The following SESTD1 variants were observed in gnomAD, a reference collection of about 807,000 sequenced individuals.
SESTD1 encodes SEC14 and spectrin domain containing 1.
SESTD1 carries 43 observed loss-of-function variants against 101.7 expected under a neutral mutation model. That is an observed-to-expected ratio of 0.42 (90% CI 0.33 to 0.55). The LOEUF (loss-of-function observed/expected upper bound fraction) is 0.55. SESTD1 is among the 20% of genes least tolerant of loss of function. The pLI, the probability that SESTD1 is intolerant of heterozygous loss-of-function variation, is 0.07. For synonymous variants in SESTD1, 283 were observed against 286.8 expected, an observed-to-expected ratio of 0.99 and a Z score of 0.13; for missense variants, 647 against 815.1, an observed-to-expected ratio of 0.79 and a Z score of 2.51.
At chr2:179,228,439 T>C (rs112122021) in intron 1 of SESTD1, among the ~76,000 whole-genome samples, 2 of 152,292 alleles carry the variant, frequency 1.3e-5, no homozygotes, top group African/African-American at 4.8e-5. Flanking sequence ...GCAGAAAAGA[T>C]GTTGCAATGA....
chr2:179,205,579 T>C (rs908196668), intron 1 of SESTD1, among the ~76,000 whole-genome samples: 1 of 135,386 alleles, frequency 7.4e-6, no homozygotes, highest in East Asian at 2.0e-4. Context: ...TCCTGAGAGA[T>C]GGGTGCTTTA....
chr2:179,137,986 T>C (rs760314089), intron 9 of SESTD1, among the ~76,000 whole-genome samples: 6 of 152,210 alleles, frequency 3.9e-5, no homozygotes, highest in Non-Finnish European at 8.8e-5. Flanking sequence ...TATTATCATA[T>C]AGTAATCATT....
chr2:179,141,558 A>G (rs1356723324), intron 9 of SESTD1, among the ~76,000 whole-genome samples: 1 of 151,882 alleles, frequency 6.6e-6, no homozygotes, highest in African/African-American at 2.4e-5. Flanking sequence ...TAGAAGACTC[A>G]TTATGTGCCA....
At chr2:179,198,673 A>G (rs1386040338) in intron 1 of SESTD1, among the ~76,000 whole-genome samples, 1 of 151,896 alleles carries the variant, frequency 6.6e-6, no homozygotes, top group Non-Finnish European at 1.5e-5. Flanking sequence ...GCTCAACTAC[A>G]TGGAAACTGA....
chr2:179,131,338 A>G (rs1050072943), intron 10 of SESTD1, among the ~76,000 whole-genome samples: 3 of 152,186 alleles, frequency 2.0e-5, no homozygotes, highest in Non-Finnish European at 1.5e-5. Flanking sequence ...CAAGCAAACC[A>G]TATTACTTAT....
rs146292122 is a variant in SESTD1 at position 179,227,840 on chromosome 2, C to G, written c.-25-35974G>C. Among the ~76,000 whole-genome samples, 661 of 152,220 alleles carry G rather than the reference C, an allele frequency of 4.3e-3. 4 individuals carry two copies. Among genetic ancestry groups the G allele is most frequent in the African/African-American group, 0.015 (614 of 41,534 alleles). On this transcript the variant is annotated intron_variant, in intron 1 of 17. Coordinates refer to ENST00000428443, the MANE Select transcript of SESTD1 (RefSeq NM_178123.5). ...GGCTAGCACCAGGCTGAACTGGGATCAAATGTGAACTCTGCCGCTTATTAG... is the reference window on the plus strand; with the variant it reads ...GGCTAGCACCAGGCTGAACTGGGATGAAATGTGAACTCTGCCGCTTATTAG...
intron 1 of SESTD1, among the ~76,000 whole-genome samples, chr2:179,200,876 T>A (rs372154935): frequency 7.5e-6 from 1 of 133,672 alleles, no homozygotes; most frequent in Non-Finnish European, 1.6e-5. Flanking sequence ...GGACTTCATG[T>A]CTAAAACACC....
chr2:179,113,865 CAAAA>C (rs778424702), intron 16 of SESTD1, among the ~76,000 whole-genome samples: 2 of 90,458 alleles, frequency 2.2e-5, no homozygotes, highest in African/African-American at 3.4e-5. Flanking sequence ...GACTCTGTCT[CAAAA>C]AAAAAAAAAA....
chr2:179,223,079 C>T (rs905374180), intron 1 of SESTD1, among the ~76,000 whole-genome samples: 1 of 152,068 alleles, frequency 6.6e-6, no homozygotes, highest in Non-Finnish European at 1.5e-5. Context: ...AAACATGACA[C>T]ATCCATATAA....
chr2:179,174,517 T>C (rs1459139384), intron 4 of SESTD1: 4 of 442,452 alleles, frequency 9.0e-6, no homozygotes, highest in South Asian at 5.1e-5. Context: ...AATTAATGGA[T>C]TTCTTACCTA....
chr2:179,211,895 A>C (rs1445787165), intron 1 of SESTD1, among the ~76,000 whole-genome samples: 2 of 133,768 alleles, frequency 1.5e-5, no homozygotes, highest in African/African-American at 3.0e-5. Context: ...AAGACTACAC[A>C]CTGGGTTGAG....
intron 1 of SESTD1, among the ~76,000 whole-genome samples, chr2:179,236,458 C>A (rs1009048899): frequency 1.3e-5 from 2 of 151,782 alleles, no homozygotes; most frequent in African/African-American, 2.4e-5. Context: ...AATCGTGCCA[C>A]TGCACTCTAA....
intron 1 of SESTD1, among the ~76,000 whole-genome samples, chr2:179,241,404 C>G (rs531736745): frequency 0.014 from 2,121 of 152,102 alleles, 47 homozygotes; most frequent in African/African-American, 0.048. Flanking sequence ...AAAATCTGTG[C>G]CAAGTTACAC....
chr2:179,255,692 A>G (rs1183591985), intron 1 of SESTD1, among the ~76,000 whole-genome samples: 1 of 152,262 alleles, frequency 6.6e-6, no homozygotes, highest in Non-Finnish European at 1.5e-5. Context: ...TCTAGCTAAG[A>G]TAATTGATGA....
At chr2:179,182,519 G>T (rs533851716) in intron 3 of SESTD1, among the ~76,000 whole-genome samples, 2 of 152,222 alleles carry the variant, frequency 1.3e-5, no homozygotes, top group East Asian at 1.9e-4. Flanking sequence ...AGCAGATGGG[G>T]AGGAAGCTTT....
At position 179,183,162 on chromosome 2, in the gene SESTD1, T is replaced by C. The variant is rs2046147642; in HGVS notation, c.82A>G (p.Ile28Val). 2 of 1,611,730 alleles carry C rather than the reference T, an allele frequency of 1.2e-6. No homozygotes were observed. The highest frequency in any genetic ancestry group is 1.7e-5 in the Admixed American group (1 of 59,666). The stretch of plus-strand genomic sequence containing the variant: ...TCGAGGCATAATGGAATTGTCAAAA[T>C]GAGGCCACTCCGTCTGTCTTTTCCT... ...SGGKDRRSGL[I>V]LTIPLCLEQT... The change falls in exon 3 of 18, where the codon ATT becomes GTT. Residue 28 changes from isoleucine (I) to valine (V), a missense_variant. Around this residue, in one of 3 missense-constraint regions of SESTD1, gnomAD observed 168 missense variants for 235.1 expected, o/e 0.71. Coordinates refer to ENST00000428443, the MANE Select transcript of SESTD1 (RefSeq NM_178123.5).
At chr2:179,112,688 C>A (rs775866841) in intron 17 of SESTD1, 36 bp downstream of exon 17, 1 of 1,556,664 alleles carries the variant, frequency 6.4e-7, no homozygotes, top group South Asian at 1.2e-5. Flanking sequence ...AAGACCACAC[C>A]AATAAAAAAT....
intron 13 of SESTD1, among the ~76,000 whole-genome samples, chr2:179,119,487 A>C (rs2044701649): frequency 6.6e-6 from 1 of 152,174 alleles, no homozygotes; most frequent in African/African-American, 2.4e-5. Flanking sequence ...ATCTAACATC[A>C]AAGTGTAATC....
chr2:179,171,406 A>T (rs2045928408), intron 5 of SESTD1, among the ~76,000 whole-genome samples: 1 of 152,190 alleles, frequency 6.6e-6, no homozygotes, highest in Admixed American at 6.5e-5. Flanking sequence ...ATAGCATGGC[A>T]AGTTCCAAAA....
Sources: allele counts gnomAD v4.1 joint callset (sites outside exome capture counted in the v4.1 genomes callset), GRCh38; gene constraint gnomAD v4.1.1; regional missense constraint gnomAD v4.1.1; transcripts MANE v1.5; gene names NCBI Gene and HGNC (gene_info 2026-07-23, HGNC 2026-07-21).